The following SLC6A6 variants were observed in gnomAD, a reference collection of about 807,000 sequenced individuals.
SLC6A6 encodes the protein sodium- and chloride-dependent taurine transporter.
Under a neutral mutation model 68.8 loss-of-function variants are expected in SLC6A6, and 16 were observed. The ratio of observed to expected loss-of-function variants is 0.23; its 90% confidence interval spans 0.16 to 0.35. The LOEUF (loss-of-function observed/expected upper bound fraction) is 0.35. Among genes scored for constraint, SLC6A6 ranks in the 10% least tolerant of loss-of-function variants. The pLI, the probability that SLC6A6 is intolerant of heterozygous loss-of-function variation, is 1.00. For missense variants in SLC6A6, 474 were observed against 802.8 expected, an observed-to-expected ratio of 0.59 and a Z score of 4.95; for synonymous variants, 312 against 315.4, an observed-to-expected ratio of 0.99 and a Z score of 0.12.
chr3:14,478,364 C>T, intron 11 of SLC6A6, 102 bp from the exon 12 acceptor site: 2 of 719,104 alleles, frequency 2.8e-6, no homozygotes, highest in Non-Finnish European at 5.0e-6. Flanking sequence ...CCATTTTTCT[C>T]TTGGGTTTTT....
chr3:14,478,679 A>G, intron 12 of SLC6A6, 111 bp downstream of exon 12: 1 of 748,918 alleles, frequency 1.3e-6, no homozygotes, highest in Admixed American at 2.0e-5. Context: ...GTTGAACAGT[A>G]GGCCCTCCCT....
chr3:14,487,654 G>C lies in SLC6A6; in HGVS notation c.*2647G>C, dbSNP rs1396574653. 5 of 152,220 alleles carry C rather than the reference G, an allele frequency of 3.3e-5. No individual in the cohort carries two copies. Among genetic ancestry groups the C allele is most frequent in the Non-Finnish European group, 7.3e-5 (5 of 68,046 alleles). The allele number at this position is 152,220 out of a possible 1,614,324, so 9.4% of individuals were successfully genotyped here. ...GAGACACTGCGTTGAGATGGGCCAT[G>C]CTAGGGCCACAGAGATTTCCTGACG... On this transcript the variant is annotated 3_prime_UTR_variant, in exon 15 of 15. Coordinates refer to ENST00000622186, the MANE Select transcript of SLC6A6 (RefSeq NM_003043.6).
At chr3:14,405,671 C>T (rs955425488) in intron 1 of SLC6A6, among the ~76,000 whole-genome samples, 3 of 152,182 alleles carry the variant, frequency 2.0e-5, no homozygotes, top group South Asian at 2.1e-4. Context: ...TTGGCCAGAG[C>T]GTTCGTTTGA....
intron 14 of SLC6A6, 121 bp from the exon 15 acceptor site, chr3:14,484,746 G>A (rs1172826257): frequency 4.3e-6 from 4 of 923,636 alleles, no homozygotes; most frequent in Non-Finnish European, 6.6e-6. Context: ...ATCAGAGAGG[G>A]TGTGAGTTTA....
chr3:14,405,517 G>T (rs1250625992), intron 1 of SLC6A6, among the ~76,000 whole-genome samples: 1 of 152,270 alleles, frequency 6.6e-6, no homozygotes, highest in African/African-American at 2.4e-5. Flanking sequence ...GCTGCAGCCA[G>T]AGGGGGTCTG....
Position 14,472,433 on chromosome 3 carries a change from C to G in SLC6A6, c.1209+116C>G. ...CCCCTTCCCCCCTCCAGTCAGACTT[C>G]CAGTGCTTCAGCTGTGAGGGTTCCT... On this transcript the variant is annotated intron_variant, in intron 10 of 14. Transcript: ENST00000622186. This position sits in a 1 kb window ranked among gnomAD's most constrained non-coding sequence, Gnocchi z 4.5. The G allele has an allele frequency of 2.9e-6, 2 of 689,694 alleles. No homozygotes were observed. The highest frequency in any genetic ancestry group is 5.2e-6 in the Non-Finnish European group (2 of 384,756). The allele number at this position is 689,694 out of a possible 1,614,324, so 42.7% of individuals were successfully genotyped here. A position where few individuals can be genotyped will look rare whatever the true frequency, so the allele number is the denominator to read the frequency against.
rs1299702719 is a variant in SLC6A6, at chr3:14,489,342, A to G, written c.*4335A>G. On this transcript the variant is annotated 3_prime_UTR_variant, in exon 15 of 15. Coordinates refer to ENST00000622186, the MANE Select transcript of SLC6A6 (RefSeq NM_003043.6). ...CATGAAAATAAACATTTCCTTTTTA[A>G]CATCCAACATGTGTGGGTTGTGTTC... 2 of 152,504 alleles carry G rather than the reference A, an allele frequency of 1.3e-5. No individual in the cohort carries two copies. The highest frequency in any genetic ancestry group is 2.9e-5 in the Non-Finnish European group (2 of 68,022). 9.4% of individuals were successfully genotyped at this position (152,504 alleles called of 1,614,324 possible). A position where few individuals can be genotyped will look rare whatever the true frequency, so the allele number is the denominator to read the frequency against.
intron 2 of SLC6A6, among the ~76,000 whole-genome samples, chr3:14,437,179 C>T (rs1699876613): frequency 6.6e-6 from 1 of 152,172 alleles, no homozygotes; most frequent in Non-Finnish European, 1.5e-5. Flanking sequence ...AGTCAGTGCT[C>T]TTTTTAAAAA....
intron 1 of SLC6A6, among the ~76,000 whole-genome samples, chr3:14,410,057 G>T (rs1357690815): frequency 1.3e-5 from 2 of 151,712 alleles, no homozygotes; most frequent in Non-Finnish European, 2.9e-5. Context: ...GCAGTGGTGG[G>T]CACCTGTAAT....
intron 5 of SLC6A6, among the ~76,000 whole-genome samples, chr3:14,454,226 C>T (rs1700317371): frequency 1.3e-5 from 2 of 152,168 alleles, no homozygotes; most frequent in South Asian, 2.1e-4. Flanking sequence ...GGAAGACCAA[C>T]GAAGAGGCTG....
chr3:14,477,131 C>G lies in SLC6A6; in HGVS notation c.1210-74C>G, dbSNP rs1403170028. 5 of 1,420,938 alleles carry G rather than the reference C, an allele frequency of 3.5e-6. No individual in the cohort carries two copies. The Admixed American group carries it at 8.7e-5, about 25-fold the overall frequency. 88.0% of individuals were successfully genotyped at this position (1,420,938 alleles called of 1,614,324 possible). On this transcript the variant is annotated intron_variant, in intron 10 of 14. Coordinates refer to ENST00000622186, the MANE Select transcript of SLC6A6 (RefSeq NM_003043.6). This position sits in a 1 kb window ranked among gnomAD's most constrained non-coding sequence, Gnocchi z 4.2. ...GCTCCTGCATTGTGTGTTCCTGGGC[C>G]CTTCCCTCCGAGCAGCAGGCAAGGG...
chr3:14,446,330 C>T (rs1490363076), intron 4 of SLC6A6, among the ~76,000 whole-genome samples: 2 of 152,142 alleles, frequency 1.3e-5, no homozygotes, highest in Admixed American at 1.3e-4. Flanking sequence ...ACAAATACCA[C>T]GTATTCTTGC....
At chr3:14,437,980 A>G (rs1033892180) in intron 2 of SLC6A6, among the ~76,000 whole-genome samples, 16 of 146,542 alleles carry the variant, frequency 1.1e-4, no homozygotes, top group Non-Finnish European at 1.2e-4. Flanking sequence ...GGAGTGCATC[A>G]CATCATCTGG....
Position 14,485,104 on chromosome 3 carries a change from A to ATTTT in SLC6A6, c.*107_*110dup. ...TACAGAGCTTTATATTTGCACTAGG[A>ATTTT]TTTTTTTTTTTTTGTAATTGTCACA... On this transcript the variant is annotated 3_prime_UTR_variant, in exon 15 of 15. Transcript: ENST00000622186. 1.3e-6 allele frequency: 1 copy of ATTTT among 778,236 alleles called. No individual in the cohort carries two copies. The highest frequency in any genetic ancestry group is 1.9e-6 in the Non-Finnish European group (1 of 527,044). The allele number at this position is 778,236 out of a possible 1,614,324, so 48.2% of individuals were successfully genotyped here.
At position 14,465,760 on chromosome 3, in the gene SLC6A6, A is replaced by G. The variant is rs183589398; in HGVS notation, c.733-756A>G. 2.0e-5 allele frequency among the ~76,000 whole-genome samples: 3 copies of G among 152,362 alleles called. No individual in the cohort carries two copies. The East Asian group carries it at 5.8e-4, about 29-fold the overall frequency. ...AATATGACCTGCATGCAATGGGCAC[A>G]TGCCATGGTTGGCAACCACTGGGCT... On this transcript the variant is annotated intron_variant, in intron 6 of 14. Coordinates refer to ENST00000622186, the MANE Select transcript of SLC6A6 (RefSeq NM_003043.6).
In SLC6A6 at chr3:14,430,330, C is replaced by G. The variant is rs11919568; in HGVS notation, c.-11-13294C>G. ...GCACGTGGGAGCAGAGGTCAGGGCACGCCTCCAAGGAGTTTCCAATGGTTG... is the reference window on the plus strand; with the variant it reads ...GCACGTGGGAGCAGAGGTCAGGGCAGGCCTCCAAGGAGTTTCCAATGGTTG... On this transcript the variant is annotated intron_variant, in intron 2 of 14. Coordinates refer to ENST00000622186, the MANE Select transcript of SLC6A6 (RefSeq NM_003043.6). Among the ~76,000 whole-genome samples the G allele has an allele frequency of 4.9e-4, 74 of 152,024 alleles. No individual in the cohort carries two copies. The East Asian group carries it at 0.012, about 25-fold the overall frequency.
chr3:14,413,315 G>C lies in SLC6A6; in HGVS notation c.-53-3097G>C, dbSNP rs111377289. ...GGCAGTGATGGGACCACAGGAGCTGGGACCTGCTGCTTCCGTTGTTTAAAG... is the reference window on the plus strand; with the variant it reads ...GGCAGTGATGGGACCACAGGAGCTGCGACCTGCTGCTTCCGTTGTTTAAAG... On this transcript the variant is annotated intron_variant, in intron 1 of 14. Coordinates refer to ENST00000622186, the MANE Select transcript of SLC6A6 (RefSeq NM_003043.6). Among the ~76,000 whole-genome samples the C allele has an allele frequency of 2.4e-3, 366 of 152,338 alleles. 1 individual carries two copies. The highest frequency in any genetic ancestry group is 8.6e-3 in the African/African-American group (358 of 41,574).
In SLC6A6 at chr3:14,478,446, T is replaced by C. The variant is rs779878088; in HGVS notation, c.1348-20T>C. 6.6e-7 allele frequency: 1 copy of C among 1,525,594 alleles called. No homozygotes were observed. Among genetic ancestry groups the C allele is most frequent in the Non-Finnish European group, 9.1e-7 (1 of 1,100,894 alleles). 94.5% of individuals were successfully genotyped at this position (1,525,594 alleles called of 1,614,324 possible). On this transcript the variant is annotated intron_variant, in intron 11 of 14. Coordinates refer to ENST00000622186, the MANE Select transcript of SLC6A6 (RefSeq NM_003043.6). ...GAGACCAGGTAGGAAATCGACCTTC[T>C]GTGGTTTTTTTCTTCACAGGGTGGC...
intron 2 of SLC6A6, among the ~76,000 whole-genome samples, chr3:14,434,853 CT>C (rs1034016048): frequency 6.6e-6 from 1 of 152,174 alleles, no homozygotes; most frequent in Non-Finnish European, 1.5e-5. Context: ...TGCTGCCAGA[CT>C]GTGGTTCTCT....
Sources: gnomAD v4.1 joint callset for allele counts (sites outside exome capture counted in the v4.1 genomes callset) on GRCh38, gnomAD v4.1.1 for gene constraint, Gnocchi (gnomAD v3.1) non-coding constraint, MANE v1.5 for transcripts, NCBI Gene and HGNC (gene_info 2026-07-23, HGNC 2026-07-21) for gene names.